MSRA: variants seen among roughly 807,000 people sequenced by gnomAD.
MSRA encodes mitochondrial peptide methionine sulfoxide reductase.
MSRA carries 54 observed loss-of-function variants against 31.3 expected under a neutral mutation model. The ratio of observed to expected loss-of-function variants is 1.73; its 90% CI spans 1.39 to 2.17. The LOEUF (loss-of-function observed/expected upper bound fraction) is 2.17, where lower values mean the gene tolerates loss of function less well. MSRA is among the 30% of genes most tolerant of loss of function. MSRA has a pLI of 0.00. For missense variants in MSRA, 507 were observed against 300.9 expected, an observed-to-expected ratio of 1.69 and a Z score of -5.07; for synonymous variants, 169 against 116.5, an observed-to-expected ratio of 1.45 and a Z score of -2.90.
rs536767729 is a variant in MSRA, at chr8:10,215,182, G to A, written c.211+7281G>A. The stretch of plus-strand genomic sequence containing the variant: ...CTTATCCATGAACTTCTCCCATTTC[G>A]GTTGTAAGTAAGAACCAGAAAGTGA... On this transcript the variant is annotated intron_variant, in intron 2 of 5. Transcript: ENST00000317173. Among the ~76,000 whole-genome samples, 15 of 152,194 alleles carry A rather than the reference G, an allele frequency of 9.9e-5. No homozygotes were observed. The South Asian group carries it at 2.1e-3, about 21-fold the overall frequency.
chr8:10,178,427 T>C (rs1806247721), intron 1 of MSRA, among the ~76,000 whole-genome samples: 1 of 152,038 alleles, frequency 6.6e-6, no homozygotes, highest in South Asian at 2.1e-4. Flanking sequence ...CTGTCTCTAC[T>C]TGAAAAAAAA....
intron 1 of MSRA, among the ~76,000 whole-genome samples, chr8:10,140,659 G>T (rs927860327): frequency 6.6e-6 from 1 of 152,110 alleles, no homozygotes; most frequent in African/African-American, 2.4e-5. Flanking sequence ...TTCTGCAGCA[G>T]GGATGGAGAG....
At chr8:10,136,715 G>T (rs1217040256) in intron 1 of MSRA, among the ~76,000 whole-genome samples, 1 of 152,202 alleles carries the variant, frequency 6.6e-6, no homozygotes, top group Non-Finnish European at 1.5e-5. Flanking sequence ...CTGAGGCAAG[G>T]CAGGAGCCCA....
intron 5 of MSRA, among the ~76,000 whole-genome samples, chr8:10,383,667 G>A (rs899868070): frequency 2.0e-5 from 3 of 152,132 alleles, no homozygotes; most frequent in Non-Finnish European, 4.4e-5. Flanking sequence ...CAGGAAGCGG[G>A]ATTGGAATTA....
intron 1 of MSRA, among the ~76,000 whole-genome samples, chr8:10,083,928 A>C (rs1040278759): frequency 6.6e-6 from 1 of 152,212 alleles, no homozygotes; most frequent in African/African-American, 2.4e-5. Flanking sequence ...AATTTCAAAG[A>C]GGGGATTTAG....
chr8:10,099,249 T>G (rs1024852003), intron 1 of MSRA, among the ~76,000 whole-genome samples: 2 of 152,192 alleles, frequency 1.3e-5, no homozygotes, highest in African/African-American at 4.8e-5. Flanking sequence ...ACTTGTAGGC[T>G]GCTTTGGTGG....
intron 3 of MSRA, among the ~76,000 whole-genome samples, chr8:10,283,793 A>T (rs1799764273): frequency 9.1e-6 from 1 of 109,806 alleles, no homozygotes; most frequent in African/African-American, 3.6e-5. Context: ...GTTGAGTAGT[A>T]TTCTATCTCA....
intron 3 of MSRA, among the ~76,000 whole-genome samples, chr8:10,285,195 A>G (rs188021898): frequency 2.6e-4 from 39 of 152,138 alleles, no homozygotes; most frequent in Admixed American, 1.5e-3. Flanking sequence ...GTGACCATTC[A>G]CCACCAATTC....
chr8:10,346,666 T>G (rs974831069), intron 5 of MSRA, among the ~76,000 whole-genome samples: 43 of 152,300 alleles, frequency 2.8e-4, no homozygotes, highest in African/African-American at 1.0e-3. Flanking sequence ...CCTGGGGAAG[T>G]TGCAGACAGG....
At chr8:10,094,868 C>T (rs1016359729) in intron 1 of MSRA, among the ~76,000 whole-genome samples, 5 of 152,166 alleles carry the variant, frequency 3.3e-5, no homozygotes, top group Non-Finnish European at 7.4e-5. Flanking sequence ...TGAAAAGATA[C>T]TTGCTGTTAT....
chr8:10,392,890 C>CAAAAAAAAAAAAAAAAAAA (rs869085304), intron 5 of MSRA, among the ~76,000 whole-genome samples: 1 of 113,282 alleles, frequency 8.8e-6, no homozygotes, highest in African/African-American at 3.9e-5. Context: ...ACTAAAAATG[C>CAAAAAAAAAAAAAAAAAAA]AAAAAAAAAA....
At chr8:10,328,027 A>ATT (rs35940076) in intron 5 of MSRA, among the ~76,000 whole-genome samples, 27,827 of 64,934 alleles carry the variant, frequency 0.43, 7,760 homozygotes, top group Non-Finnish European at 0.45. Context: ...CTCTATGGTA[A>ATT]TTTTTTTTTT....
chr8:10,197,362 G>A (rs1393349078), intron 1 of MSRA, among the ~76,000 whole-genome samples: 3 of 152,204 alleles, frequency 2.0e-5, no homozygotes, highest in Non-Finnish European at 4.4e-5. Flanking sequence ...TGATGATGGA[G>A]TGCTTGTGTT....
intron 1 of MSRA, among the ~76,000 whole-genome samples, chr8:10,142,649 A>G (rs1013373807): frequency 6.6e-6 from 1 of 152,072 alleles, no homozygotes; most frequent in Admixed American, 6.5e-5. Context: ...GTTATTTACA[A>G]CTCTGACTTC....
chr8:10,412,489 AT>A (rs1469893407), intron 5 of MSRA, among the ~76,000 whole-genome samples: 1 of 152,234 alleles, frequency 6.6e-6, no homozygotes, highest in Non-Finnish European at 1.5e-5. Flanking sequence ...TGTTCCAGGT[AT>A]AGAACGAAGA....
chr8:10,228,233 G>C (rs1811166494), intron 2 of MSRA, among the ~76,000 whole-genome samples: 1 of 152,196 alleles, frequency 6.6e-6, no homozygotes, highest in Non-Finnish European at 1.5e-5. Flanking sequence ...CCGGAATTGA[G>C]GGTCCTTTTG....
intron 1 of MSRA, among the ~76,000 whole-genome samples, chr8:10,202,946 G>C (rs1033629338): frequency 4.6e-5 from 7 of 152,186 alleles, no homozygotes; most frequent in African/African-American, 1.7e-4. Flanking sequence ...CAGTCAGGCC[G>C]TCTTGTCCTG....
chr8:10,336,621 T>C lies in MSRA; in HGVS notation c.543+16632T>C, dbSNP rs146116449. ...GAAATTAGGCTCTTGTTTACATGAG[T>C]AGCCCTTACTGAGATTCAGCTTTTT... On this transcript the variant is annotated intron_variant, in intron 5 of 5. Coordinates refer to ENST00000317173, the MANE Select transcript of MSRA (RefSeq NM_012331.5). Among the ~76,000 whole-genome samples, 13 of 152,300 alleles carry C rather than the reference T, an allele frequency of 8.5e-5. No individual in the cohort carries two copies. The East Asian group carries it at 2.5e-3, about 29-fold the overall frequency.
chr8:10,117,385 C>T (rs1800763880), intron 1 of MSRA, among the ~76,000 whole-genome samples: 1 of 152,218 alleles, frequency 6.6e-6, no homozygotes, highest in African/African-American at 2.4e-5. Context: ...TAGACTGGGT[C>T]TGCCAGGTGC....
Sources: gnomAD v4.1 joint callset for allele counts (sites outside exome capture counted in the v4.1 genomes callset) on GRCh38, gnomAD v4.1.1 for gene constraint, MANE v1.5 for transcripts, NCBI Gene and HGNC (gene_info 2026-07-23, HGNC 2026-07-21) for gene names.